Variants in RPH3A observed in about 807,000 individuals in gnomAD.
The protein encoded by RPH3A is rabphilin-3A.
In RPH3A, 48 loss-of-function variants were observed where a neutral mutation model predicts 102.2. That is an observed-to-expected ratio of 0.47 (90% CI 0.37 to 0.60). The LOEUF (loss-of-function observed/expected upper bound fraction) is 0.60, where lower values mean the gene tolerates loss of function less well. RPH3A is among the 20% of genes least tolerant of loss of function. RPH3A has a pLI of 0.00. For missense variants in RPH3A, 781 were observed against 910.1 expected, an observed-to-expected ratio of 0.86 and a Z score of 1.83; for synonymous variants, 310 against 324.3, an observed-to-expected ratio of 0.96 and a Z score of 0.47.
chr12:112,752,976 T>C (rs997808245), intron 1 of RPH3A, among the ~76,000 whole-genome samples: 38 of 150,168 alleles, frequency 2.5e-4, no homozygotes, highest in African/African-American at 7.5e-4. Flanking sequence ...TTCTTTTTTT[T>C]TTTTTTTTTT....
At chr12:112,720,666 T>C (rs956056648) in intron 1 of RPH3A, among the ~76,000 whole-genome samples, 1 of 152,206 alleles carries the variant, frequency 6.6e-6, no homozygotes, top group Admixed American at 6.5e-5. Flanking sequence ...CTGGGACTAG[T>C]AGGCCATACA....
chr12:112,741,764 G>A (rs1160029004), intron 1 of RPH3A, among the ~76,000 whole-genome samples: 1 of 152,170 alleles, frequency 6.6e-6, no homozygotes, highest in Non-Finnish European at 1.5e-5. Flanking sequence ...GACAAAAGAG[G>A]ATACAGCACA....
intron 1 of RPH3A, among the ~76,000 whole-genome samples, chr12:112,785,872 G>A (rs533482166): frequency 4.6e-5 from 7 of 152,276 alleles, no homozygotes; most frequent in South Asian, 4.1e-4. Flanking sequence ...TGGGCTGGAC[G>A]TTTTCACTGC....
intron 1 of RPH3A, among the ~76,000 whole-genome samples, chr12:112,609,477 A>G (rs538872895): frequency 6.6e-6 from 1 of 151,974 alleles, no homozygotes; most frequent in African/African-American, 2.4e-5. Context: ...CTAGAATCCT[A>G]TTTCTTCTCT....
At position 112,655,563 on chromosome 12, in the gene RPH3A, C is replaced by CTTTTTTTTTTTTT. The variant is rs71086113; in HGVS notation, c.-140+80259_-140+80271dup. On this transcript the variant is annotated intron_variant, in intron 1 of 21. Coordinates refer to the RPH3A transcript ENST00000543106. Reference sequence around the variant, plus strand: ...GGGCCCATCTCGAATTTTTGTTGGTCTTTTTTTTTTTTTTTTTTTTTTTTT... The same window carrying CTTTTTTTTTTTTT: ...GGGCCCATCTCGAATTTTTGTTGGTCTTTTTTTTTTTTTTTTTTTTTTTTTTTTTTTTTTTTTT... Among the ~76,000 whole-genome samples, 6 of 55,570 alleles carry CTTTTTTTTTTTTT rather than the reference C, an allele frequency of 1.1e-4. 1 individual carries two copies. In the South Asian group the frequency reaches 2.4e-3, roughly 22 times the overall value. 36.5% of individuals were successfully genotyped at this position (55,570 alleles called of 152,430 possible).
intron 1 of RPH3A, among the ~76,000 whole-genome samples, chr12:112,612,395 C>T (rs565275922): frequency 6.6e-6 from 1 of 152,140 alleles, no homozygotes; most frequent in South Asian, 2.1e-4. Flanking sequence ...AGAAAACTTG[C>T]AATGGTTTTT....
intron 1 of RPH3A, among the ~76,000 whole-genome samples, chr12:112,587,162 A>G (rs2039445114): frequency 6.6e-6 from 1 of 152,246 alleles, no homozygotes; most frequent in Admixed American, 6.5e-5. Context: ...TCCTTTGAGA[A>G]AGTCAAAAAT....
At chr12:112,801,310 CG>C (rs35911821) in intron 2 of RPH3A, among the ~76,000 whole-genome samples, 1 of 152,162 alleles carries the variant, frequency 6.6e-6, no homozygotes, top group Non-Finnish European at 1.5e-5. Context: ...GGGCCCTTGG[CG>C]GGGAAGGAGA....
At chr12:112,667,811 C>T (rs2136007347) in intron 1 of RPH3A, among the ~76,000 whole-genome samples, 1 of 152,062 alleles carries the variant, frequency 6.6e-6, no homozygotes, top group East Asian at 1.9e-4. Context: ...CCTGAGGCAA[C>T]TTTGCAAAGA....
At chr12:112,583,901 G>A (rs542067583) in intron 1 of RPH3A, among the ~76,000 whole-genome samples, 2 of 152,154 alleles carry the variant, frequency 1.3e-5, no homozygotes, top group Admixed American at 6.5e-5. Flanking sequence ...CAGGAGAATC[G>A]CTTGAGCCTA....
intron 1 of RPH3A, among the ~76,000 whole-genome samples, chr12:112,759,608 T>C (rs1436892112): frequency 2.6e-5 from 4 of 152,120 alleles, no homozygotes; most frequent in Non-Finnish European, 5.9e-5. Context: ...GTCCACCTTG[T>C]TTTCTGCTCA....
At chr12:112,765,139 G>C (rs200550515) in intron 1 of RPH3A, among the ~76,000 whole-genome samples, 1 of 151,228 alleles carries the variant, frequency 6.6e-6, no homozygotes, top group Non-Finnish European at 1.5e-5. Context: ...CTCCTGCTGC[G>C]TGTCTGCATG....
intron 1 of RPH3A, among the ~76,000 whole-genome samples, chr12:112,743,113 AAT>A (rs1029758116): frequency 6.6e-6 from 1 of 152,200 alleles, no homozygotes; most frequent in Non-Finnish European, 1.5e-5. Flanking sequence ...CCCTCCAGAT[AAT>A]AGAGAATCAT....
intron 1 of RPH3A, among the ~76,000 whole-genome samples, chr12:112,753,169 G>T (rs1431858838): frequency 2.0e-5 from 3 of 152,000 alleles, no homozygotes; most frequent in Non-Finnish European, 4.4e-5. Flanking sequence ...AAACAAACAC[G>T]ATTCCACTCC....
intron 1 of RPH3A, among the ~76,000 whole-genome samples, chr12:112,754,131 T>C (rs7314505): frequency 0.1 from 15,558 of 152,250 alleles, 813 homozygotes; most frequent in Middle Eastern, 0.13. Flanking sequence ...ATCTGTGTTG[T>C]CTTAAGTCAC....
intron 16 of RPH3A, among the ~76,000 whole-genome samples, chr12:112,884,511 A>G (rs2042974630): frequency 1.3e-5 from 2 of 152,342 alleles, no homozygotes; most frequent in South Asian, 2.1e-4. Context: ...TATTTAGCCA[A>G]TTCCCTTTGG....
At chr12:112,612,626 G>A (rs1258663576) in intron 1 of RPH3A, among the ~76,000 whole-genome samples, 5 of 146,586 alleles carry the variant, frequency 3.4e-5, no homozygotes, top group Non-Finnish European at 5.9e-5. Context: ...GTGCAATGAC[G>A]TGATCTCGGC....
At chr12:112,674,863 A>G (rs1226178340) in intron 1 of RPH3A, among the ~76,000 whole-genome samples, 1 of 152,170 alleles carries the variant, frequency 6.6e-6, no homozygotes, top group Non-Finnish European at 1.5e-5. Context: ...GGGGAAAAAA[A>G]TCCACATTCT....
At chr12:112,875,917 G>T (rs2042790632) in intron 12 of RPH3A, among the ~76,000 whole-genome samples, 176 bp downstream of exon 12, 1 of 152,226 alleles carries the variant, frequency 6.6e-6, no homozygotes, top group Non-Finnish European at 1.5e-5. Context: ...AGATTAGCTA[G>T]ATAGAAATGC....
Sources: allele counts gnomAD v4.1 joint callset (sites outside exome capture counted in the v4.1 genomes callset), GRCh38; gene constraint gnomAD v4.1.1; transcripts MANE v1.5; gene names NCBI Gene and HGNC (gene_info 2026-07-23, HGNC 2026-07-21).